PRKDC: variants seen among roughly 807,000 people sequenced by gnomAD.
The protein encoded by PRKDC is protein kinase, DNA-activated, catalytic subunit, also known as DNA-dependent protein kinase catalytic subunit.
In PRKDC, 82 loss-of-function variants were observed where a neutral mutation model predicts 486.9. The ratio of observed to expected loss-of-function variants is 0.17; its 90% CI spans 0.14 to 0.20. The LOEUF is 0.20. Among genes scored for constraint, PRKDC ranks in the 10% least tolerant of loss-of-function variants. The pLI is 1.00. For missense variants in PRKDC, 4,504 were observed against 5,038.2 expected, an observed-to-expected ratio of 0.89 and a Z score of 3.21; for synonymous variants, 1,895 against 1,837.0, an observed-to-expected ratio of 1.03 and a Z score of -0.81.
rs2089433332 is a variant in PRKDC at position 47,890,326 on chromosome 8, T to C, written c.4002A>G (p.Lys1334=). ...CCATAATCCGGACCACAACGGTGCA[T>C]TTGCTGTAGTTGTACCTTTCTCCCT... is the stretch of plus-strand genomic sequence containing the variant. ...PQEGERYNYS[K]CTVVVRIMEF... is the part of the protein sequence containing the mutation. The change falls in exon 32 of 86, where the codon AAA becomes AAG. Residue 1334 remains lysine (K), a synonymous_variant. Coordinates refer to ENST00000314191, the MANE Select transcript of PRKDC (RefSeq NM_006904.7). 1 of 1,613,436 alleles carries C rather than the reference T, an allele frequency of 6.2e-7. No individual in the cohort carries two copies. The highest frequency in any genetic ancestry group is 8.5e-7 in the Non-Finnish European group (1 of 1,179,814).
intron 50 of PRKDC, 51 bp downstream of exon 50, chr8:47,855,168 CACT>C (rs780591613): frequency 7.0e-7 from 1 of 1,431,706 alleles, no homozygotes; most frequent in Non-Finnish European, 9.4e-7. Context: ...ATTTACGACA[CACT>C]ACATTTTAAC....
chr8:47,872,060 A>G (rs2088965157), intron 40 of PRKDC, among the ~76,000 whole-genome samples: 1 of 152,234 alleles, frequency 6.6e-6, no homozygotes, highest in Non-Finnish European at 1.5e-5. Flanking sequence ...TAAATTTATC[A>G]AAAATAATAA....
rs1202770004 is a variant in PRKDC, at chr8:47,877,717, G to C, written c.5363+7C>G. The C allele has an allele frequency of 6.3e-7, 1 of 1,577,272 alleles. No homozygotes were observed. On this transcript the variant is annotated splice_region_variant and intron_variant, in intron 40 of 85. Coordinates refer to ENST00000314191, the MANE Select transcript of PRKDC (RefSeq NM_006904.7). ...GGTTCCTGAGATCCCAGGCCAGAAT[G>C]ACTTACCTTCTGGCAATCCTCCTGA...
intron 52 of PRKDC, among the ~76,000 whole-genome samples, chr8:47,852,349 A>C (rs565244125): frequency 1.7e-4 from 26 of 152,286 alleles, no homozygotes; most frequent in African/African-American, 6.3e-4. Context: ...TACCAGGACA[A>C]TTTCCTCCAC....
intron 52 of PRKDC, 85 bp from the exon 53 acceptor site, chr8:47,849,588 G>C: frequency 1.4e-6 from 2 of 1,463,152 alleles, no homozygotes; most frequent in Non-Finnish European, 1.8e-6. Context: ...GAGTATTTAA[G>C]TGAGCCCAAC....
At chr8:47,813,260 G>A (rs976856299) in intron 68 of PRKDC, among the ~76,000 whole-genome samples, 1 of 151,962 alleles carries the variant, frequency 6.6e-6, no homozygotes, top group African/African-American at 2.4e-5. Context: ...TGGGACTACA[G>A]GTGCCCACCA....
intron 62 of PRKDC, among the ~76,000 whole-genome samples, 163 bp from the exon 63 acceptor site, chr8:47,827,024 C>T (rs2087753169): frequency 6.6e-6 from 1 of 151,980 alleles, no homozygotes. Flanking sequence ...CAACAATATT[C>T]AATTTGCTCA....
intron 2 of PRKDC, 21 bp from the exon 3 acceptor site, chr8:47,957,284 A>C (rs1283910742): frequency 6.3e-7 from 1 of 1,581,194 alleles, no homozygotes; most frequent in Admixed American, 1.7e-5. Flanking sequence ...AGAGATACAT[A>C]TTGTAAATAT....
chr8:47,853,983 A>G, intron 51 of PRKDC, 100 bp downstream of exon 51: 1 of 1,445,148 alleles, frequency 6.9e-7, no homozygotes, highest in Non-Finnish European at 9.4e-7. Context: ...CATTTGTAGC[A>G]TGGGTCTGGT....
intron 78 of PRKDC, among the ~76,000 whole-genome samples, chr8:47,783,413 C>A (rs1195285278): frequency 6.6e-6 from 1 of 151,386 alleles, no homozygotes; most frequent in African/African-American, 2.4e-5. Context: ...CATGGTGAAA[C>A]CCTGTCTCTA....
chr8:47,896,321 T>C (rs2089580048), intron 30 of PRKDC, among the ~76,000 whole-genome samples: 3 of 152,064 alleles, frequency 2.0e-5, no homozygotes, highest in African/African-American at 4.8e-5. Context: ...GTAACTTTTT[T>C]CCTCTTGTTC....
At chr8:47,830,044 T>C (rs1212543245) in intron 61 of PRKDC, among the ~76,000 whole-genome samples, 9 of 152,152 alleles carry the variant, frequency 5.9e-5, no homozygotes, top group Admixed American at 5.9e-4. Flanking sequence ...AAGGCTGCAG[T>C]AACCAAAAAG....
chr8:47,941,528 A>G (rs1460936658), intron 10 of PRKDC, among the ~76,000 whole-genome samples: 2 of 152,178 alleles, frequency 1.3e-5, no homozygotes, highest in Non-Finnish European at 2.9e-5. Context: ...CACCCAGTCA[A>G]TGCTCCACAC....
intron 54 of PRKDC, among the ~76,000 whole-genome samples, chr8:47,843,230 C>A (rs2088191560): frequency 6.6e-6 from 1 of 152,126 alleles, no homozygotes; most frequent in South Asian, 2.1e-4. Flanking sequence ...TTGAAAGATT[C>A]ACTACAGGAA....
At chr8:47,777,571 A>T in intron 84 of PRKDC, 115 bp downstream of exon 84, 1 of 1,140,798 alleles carries the variant, frequency 8.8e-7, no homozygotes. Flanking sequence ...GTACAAAATA[A>T]TGTAAATATT....
intron 36 of PRKDC, among the ~76,000 whole-genome samples, chr8:47,883,884 A>AC (rs1217405857): frequency 1.3e-5 from 2 of 152,144 alleles, no homozygotes; most frequent in African/African-American, 4.8e-5. Context: ...CTGCCGGCTC[A>AC]CAGGTATCAC....
chr8:47,904,774 C>T (rs1157712917), intron 26 of PRKDC, 95 bp downstream of exon 26: 6 of 989,776 alleles, frequency 6.1e-6, no homozygotes, highest in East Asian at 5.2e-5. Flanking sequence ...GCCTGGGCGA[C>T]GGAGCAAGAC....
intron 57 of PRKDC, among the ~76,000 whole-genome samples, chr8:47,836,899 C>T (rs1589731631): frequency 6.6e-6 from 1 of 152,354 alleles, no homozygotes; most frequent in African/African-American, 2.4e-5. Context: ...ACCCCAGGAG[C>T]TCCCTGCAAC....
rs1470810281 is a variant in PRKDC at position 47,849,335 on chromosome 8, C to T, written c.7131-32G>A. ...GGGAAGGGAACTGGTGAGAGGAGGG[C>T]CGAGGACCCTCCTGCCCCGAAAGGA... is the stretch of plus-strand genomic sequence containing the variant. On this transcript the variant is annotated intron_variant, in intron 53 of 85. Transcript: ENST00000314191. 18 of 1,613,684 alleles carry T rather than the reference C, an allele frequency of 1.1e-5. 1 individual carries two copies. The highest frequency in any genetic ancestry group is 1.7e-5 in the Admixed American group (1 of 59,998).
Sources: allele counts gnomAD v4.1 joint callset (sites outside exome capture counted in the v4.1 genomes callset), GRCh38; gene constraint gnomAD v4.1.1; transcripts MANE v1.5; gene names NCBI Gene and HGNC (gene_info 2026-07-23, HGNC 2026-07-21).